ATP11A: variants seen among roughly 807,000 people sequenced by gnomAD.
ATP11A encodes the protein ATPase phospholipid transporting 11A.
A neutral mutation model predicts 154.4 loss-of-function variants in ATP11A; 81 were observed. The observed-to-expected ratio is 0.52, with a 90% confidence interval of 0.44 to 0.63. The LOEUF (loss-of-function observed/expected upper bound fraction) is 0.63. ATP11A is among the 30% of genes least tolerant of loss of function. The pLI is 0.00. For missense variants in ATP11A, 1,316 were observed against 1,474.3 expected (o/e 0.89, Z 1.76); for synonymous variants, 623 against 585.9 (o/e 1.06, Z -0.91).
intron 1 of ATP11A, among the ~76,000 whole-genome samples, chr13:112,777,995 C>T (rs572206983): frequency 1.3e-5 from 2 of 152,384 alleles, no homozygotes; most frequent in African/African-American, 4.8e-5. Context: ...GTGCAGGCGC[C>T]TCTGTCTGGA....
chr13:112,849,347 C>T (rs771877404), intron 17 of ATP11A, among the ~76,000 whole-genome samples: 3 of 152,126 alleles, frequency 2.0e-5, no homozygotes, highest in Admixed American at 6.6e-5. Flanking sequence ...CCAGGGTTTT[C>T]GTAGTACTTA....
rs747684490 is a variant in ATP11A, at chr13:112,854,334, G to A, written c.2047G>A (p.Val683Ile). The A allele has an allele frequency of 6.2e-7, 1 of 1,614,182 alleles. No individual in the cohort carries two copies. The highest frequency in any genetic ancestry group is 8.5e-7 in the Non-Finnish European group (1 of 1,180,046). Residue 683 changes from valine to isoleucine, a missense_variant, in exon 19 of 30, where the codon GTC (valine) becomes ATC (isoleucine). Val to Ile is a conservative substitution (Grantham distance 29). This residue lies in a region of ATP11A where 876 missense variants were observed against 1,006.8 expected (regional missense o/e 0.87). Transcript: ENST00000375645. ...IEALQKAGIK[V>I]WVLTGDKMET... ...GGCCCTGCAGAAGGCCGGGATCAAAGTCTGGGTTCTCACGGGAGACAAGAT... is the reference window on the plus strand; with the variant it reads ...GGCCCTGCAGAAGGCCGGGATCAAAATCTGGGTTCTCACGGGAGACAAGAT...
intron 15 of ATP11A, 115 bp downstream of exon 15, chr13:112,834,775 T>G: frequency 5.1e-6 from 4 of 785,772 alleles, no homozygotes; most frequent in South Asian, 1.7e-5. Context: ...ACAATTCGCT[T>G]CCTCTCCTTC....
At position 112,696,422 on chromosome 13, in the gene ATP11A, T is replaced by A. The variant is rs1885811244; in HGVS notation, c.39+5967T>A. Among the ~76,000 whole-genome samples, 4 of 152,098 alleles carry A rather than the reference T, an allele frequency of 2.6e-5. No homozygotes were observed. Among genetic ancestry groups the A allele is most frequent in the Admixed American group, 2.6e-4 (4 of 15,274 alleles). On this transcript the variant is annotated intron_variant, in intron 1 of 29. Coordinates refer to ENST00000375645, the MANE Select transcript of ATP11A (RefSeq NM_015205.3). This position sits in a 1 kb window ranked among gnomAD's most constrained non-coding sequence, Gnocchi z 6.2. ...CCACGCCCAGCAGCCTTTCTGCCTC[T>A]GCGCTTGCCTCCTCCGGTTGGAGCG...
intron 1 of ATP11A, among the ~76,000 whole-genome samples, chr13:112,775,540 AAAG>A (rs755032337): frequency 2.0e-5 from 3 of 152,242 alleles, no homozygotes; most frequent in Non-Finnish European, 1.5e-5. Flanking sequence ...GAGTTTTTAA[AAAG>A]AAGGAGGCGA....
chr13:112,697,810 A>G lies in ATP11A; in HGVS notation c.39+7355A>G, dbSNP rs1316706880. On this transcript the variant is annotated intron_variant, in intron 1 of 29. Transcript: ENST00000375645. This position sits in a 1 kb window ranked among gnomAD's most constrained non-coding sequence, Gnocchi z 4.0. ...GCTGGTCTCGAACTCCTGACCTCAG[A>G]TGATCCGCCCACCTCTGCTTCCCAA... Among the ~76,000 whole-genome samples, 12 of 148,596 alleles carry G rather than the reference A, an allele frequency of 8.1e-5. 1 individual carries two copies. In the East Asian group the frequency reaches 2.4e-3, roughly 30 times the overall value.
intron 1 of ATP11A, among the ~76,000 whole-genome samples, chr13:112,781,794 A>AAAAAG (rs1566472844): frequency 6.6e-6 from 1 of 151,944 alleles, no homozygotes; most frequent in African/African-American, 2.4e-5. Context: ...CAAAAAAAAA[A>AAAAAG]AAAAAAAAAG....
intron 28 of ATP11A, among the ~76,000 whole-genome samples, chr13:112,876,567 C>T (rs561765185): frequency 5.1e-4 from 78 of 152,302 alleles, no homozygotes; most frequent in African/African-American, 1.8e-3. Context: ...CCTGCCTGTC[C>T]TCAGAGGGCC....
chr13:112,848,009 T>A (rs566983942), intron 17 of ATP11A, among the ~76,000 whole-genome samples: 1 of 152,258 alleles, frequency 6.6e-6, no homozygotes, highest in East Asian at 1.9e-4. Context: ...AAGGGTCGCT[T>A]GAGCACAGAA....
intron 1 of ATP11A, among the ~76,000 whole-genome samples, chr13:112,714,952 G>A (rs1303310741): frequency 2.0e-5 from 3 of 151,092 alleles, no homozygotes; most frequent in Admixed American, 6.6e-5. Context: ...CCCCCTTCCC[G>A]TAGACCCTGG....
rs2079179961 is a variant in ATP11A, at chr13:112,834,533, T to C, written c.1560-56T>C. ...ACCAAAATATAAAGCAAATACTCTA[T>C]GAAAGAGGAACATCAGAATCTCAGA... On this transcript the variant is annotated intron_variant, in intron 14 of 29. Coordinates refer to ENST00000375645, the MANE Select transcript of ATP11A (RefSeq NM_015205.3). The C allele has an allele frequency of 5.2e-6, 6 of 1,154,086 alleles. 1 individual carries two copies. Among genetic ancestry groups the C allele is most frequent in the Middle Eastern group, 1.9e-4 (1 of 5,172 alleles). The allele number at this position is 1,154,086 out of a possible 1,614,324, so 71.5% of individuals were successfully genotyped here.
At chr13:112,789,231 C>A (rs1324249086) in intron 2 of ATP11A, among the ~76,000 whole-genome samples, 1 of 151,670 alleles carries the variant, frequency 6.6e-6, no homozygotes, top group Non-Finnish European at 1.5e-5. Flanking sequence ...CCTGTGGATA[C>A]CTACTTAATC....
At chr13:112,856,870 C>T (rs2079942626) in intron 20 of ATP11A, 1 of 152,194 alleles carries the variant, frequency 6.6e-6, no homozygotes, top group Non-Finnish European at 1.5e-5. Flanking sequence ...AAAGTTGAGC[C>T]TTTGTGCATG....
chr13:112,831,361 T>G lies in ATP11A; in HGVS notation c.1222-14T>G. ...TCCCTCAGAGCGCCCTGACTTGCTG[T>G]GCCCTGCCCGCAGGTGGAGTACATC... On this transcript the variant is annotated splice_polypyrimidine_tract_variant and intron_variant, in intron 12 of 29. Transcript: ENST00000375645. 1 of 1,611,994 alleles carries G rather than the reference T, an allele frequency of 6.2e-7. No homozygotes were observed. Among genetic ancestry groups the G allele is most frequent in the Non-Finnish European group, 8.5e-7 (1 of 1,178,250 alleles).
intron 24 of ATP11A, 109 bp from the exon 25 acceptor site, chr13:112,862,331 A>T: frequency 3.7e-6 from 5 of 1,349,736 alleles, no homozygotes; most frequent in Non-Finnish European, 5.1e-6. Context: ...CTGGCCGTGC[A>T]CATCTTATCC....
At chr13:112,850,900 A>G in intron 17 of ATP11A, 137 bp from the exon 18 acceptor site, 2 of 720,874 alleles carry the variant, frequency 2.8e-6, no homozygotes, top group South Asian at 3.9e-5. Flanking sequence ...TTTACTTAGT[A>G]CTGTAAGTTT....
intron 1 of ATP11A, among the ~76,000 whole-genome samples, chr13:112,725,038 C>T (rs1366494234): frequency 4.6e-5 from 7 of 152,138 alleles, no homozygotes; most frequent in East Asian, 3.9e-4. Context: ...TCTGTGGGCC[C>T]GGTGTGGGAC....
intron 2 of ATP11A, among the ~76,000 whole-genome samples, chr13:112,788,516 C>T (rs2077727404): frequency 6.7e-6 from 1 of 149,876 alleles, no homozygotes; most frequent in South Asian, 2.1e-4. Flanking sequence ...TGGATACCTA[C>T]TTAATTCACA....
intron 1 of ATP11A, among the ~76,000 whole-genome samples, chr13:112,772,934 T>C (rs940695292): frequency 9.9e-5 from 15 of 152,252 alleles, no homozygotes; most frequent in Non-Finnish European, 1.5e-4. Flanking sequence ...TCTAATTGTT[T>C]ATGATTGGCA....
Sources: gnomAD v4.1 joint callset for allele counts (sites outside exome capture counted in the v4.1 genomes callset) on GRCh38, gnomAD v4.1.1 for gene constraint, gnomAD v4.1.1 regional missense constraint, Gnocchi (gnomAD v3.1) non-coding constraint, MANE v1.5 for transcripts, NCBI Gene and HGNC (gene_info 2026-07-23, HGNC 2026-07-21) for gene names.